DPP10: variants seen among roughly 807,000 people sequenced by gnomAD.
DPP10 encodes inactive dipeptidyl peptidase 10.
A neutral mutation model predicts 120.9 loss-of-function variants in DPP10; 33 were observed. The ratio of observed to expected loss-of-function variants is 0.27; its 90% confidence interval spans 0.21 to 0.37. The LOEUF is 0.37. DPP10 is among the 10% of genes least tolerant of loss of function. The probability of loss-of-function intolerance (pLI) is 1.00; values close to 1 mark genes in which losing one functional copy is unlikely to be tolerated. For synonymous variants in DPP10, 337 were observed against 326.1 expected (o/e 1.03, Z -0.36); for missense variants, 816 against 942.8 (o/e 0.87, Z 1.76).
chr2:115,758,590 G>T (rs1314492465), intron 11 of DPP10, among the ~76,000 whole-genome samples: 1 of 151,846 alleles, frequency 6.6e-6, no homozygotes, highest in Admixed American at 6.6e-5. Context: ...TGTAGAAACA[G>T]ACAAGCTGTT....
chr2:114,880,676 A>G (rs750123434), intron 1 of DPP10, among the ~76,000 whole-genome samples: 9 of 152,186 alleles, frequency 5.9e-5, no homozygotes, highest in Admixed American at 1.3e-4. Flanking sequence ...TTGTTGCTAA[A>G]TACAAATATA....
chr2:115,084,859 C>T (rs766433055), intron 1 of DPP10, among the ~76,000 whole-genome samples: 1 of 152,152 alleles, frequency 6.6e-6, no homozygotes, highest in Non-Finnish European at 1.5e-5. Flanking sequence ...TACCTAAAAG[C>T]ACCTGTTAGG....
At chr2:115,633,330 G>T (rs112764566) in intron 5 of DPP10, among the ~76,000 whole-genome samples, 22,425 of 151,998 alleles carry the variant, frequency 0.15, 2,658 homozygotes, top group African/African-American at 0.33. Flanking sequence ...CTATCGCAAG[G>T]ACAGAAAACC....
chr2:115,172,997 C>T (rs1171178195), intron 1 of DPP10, among the ~76,000 whole-genome samples: 5 of 152,184 alleles, frequency 3.3e-5, no homozygotes, highest in African/African-American at 4.8e-5. Flanking sequence ...AGCTGCATGG[C>T]ATCCATTTTT....
At chr2:115,721,711 T>G (rs2149612119) in intron 7 of DPP10, among the ~76,000 whole-genome samples, 1 of 152,218 alleles carries the variant, frequency 6.6e-6, no homozygotes, top group East Asian at 1.9e-4. Flanking sequence ...CTCAGTAAAT[T>G]AAAAATAAAA....
chr2:114,764,368 T>C (rs907165794), intron 1 of DPP10, among the ~76,000 whole-genome samples: 2 of 151,566 alleles, frequency 1.3e-5, no homozygotes, highest in African/African-American at 4.8e-5. Flanking sequence ...AAAAAACAGT[T>C]TTGATCTCAA....
chr2:115,540,492 T>C (rs145642528), intron 5 of DPP10, among the ~76,000 whole-genome samples: 250 of 152,002 alleles, frequency 1.6e-3, no homozygotes, highest in African/African-American at 5.6e-3. Context: ...TTTCTGCATC[T>C]TCCTAATTCC....
intron 3 of DPP10, among the ~76,000 whole-genome samples, chr2:115,351,756 A>G (rs573866067): frequency 2.6e-5 from 4 of 152,106 alleles, no homozygotes; most frequent in Admixed American, 1.3e-4. Context: ...AAAGCATACC[A>G]TGAAGCATAT....
chr2:114,455,663 A>C (rs1244005949), intron 1 of DPP10, among the ~76,000 whole-genome samples: 3 of 152,080 alleles, frequency 2.0e-5, no homozygotes, highest in Non-Finnish European at 4.4e-5. Flanking sequence ...TTTTTCCATA[A>C]TAAGAAGAAA....
At chr2:115,406,161 G>T (rs2068494434) in intron 3 of DPP10, among the ~76,000 whole-genome samples, 1 of 152,210 alleles carries the variant, frequency 6.6e-6, no homozygotes, top group Admixed American at 6.5e-5. Flanking sequence ...TTGCTGCTTA[G>T]ATATGTCTAC....
At chr2:115,067,861 CAAAAAAAAAA>C (rs201964006) in intron 1 of DPP10, among the ~76,000 whole-genome samples, 2 of 86,848 alleles carry the variant, frequency 2.3e-5, no homozygotes, top group South Asian at 5.2e-4. Flanking sequence ...GACTCTGTCT[CAAAAAAAAAA>C]AAAAAAAAAG....
At chr2:115,737,891 A>G (rs1485037303) in intron 8 of DPP10, among the ~76,000 whole-genome samples, 1 of 152,162 alleles carries the variant, frequency 6.6e-6, no homozygotes, top group Non-Finnish European at 1.5e-5. Context: ...TAAATTTTAA[A>G]GAAATTTGTC....
chr2:115,492,024 C>A (rs916912602), intron 3 of DPP10, among the ~76,000 whole-genome samples: 1 of 152,082 alleles, frequency 6.6e-6, no homozygotes, highest in African/African-American at 2.4e-5. Flanking sequence ...AGGCAGATAT[C>A]TTCATCAGGA....
chr2:115,600,445 A>G (rs1575297967), intron 5 of DPP10, among the ~76,000 whole-genome samples: 1 of 152,324 alleles, frequency 6.6e-6, no homozygotes, highest in East Asian at 1.9e-4. Context: ...AAGGACAATA[A>G]AAGTTTTTCT....
chr2:115,546,415 A>G (rs6756582), intron 5 of DPP10, among the ~76,000 whole-genome samples: 115,341 of 152,108 alleles, frequency 0.76, 46,121 homozygotes, highest in Non-Finnish European at 0.88. Flanking sequence ...ATCAAAACCT[A>G]TAGCTAATCA....
chr2:115,315,833 C>T (rs2061765868), intron 2 of DPP10, among the ~76,000 whole-genome samples: 1 of 151,954 alleles, frequency 6.6e-6, no homozygotes, highest in Non-Finnish European at 1.5e-5. Flanking sequence ...CTAACAGTTT[C>T]CCCCTGGATA....
chr2:115,593,450 T>C (rs2082796158), intron 5 of DPP10, among the ~76,000 whole-genome samples: 2 of 152,226 alleles, frequency 1.3e-5, no homozygotes, highest in Non-Finnish European at 2.9e-5. Flanking sequence ...AGGTTGTTCA[T>C]ATATAAGTTG....
chr2:115,744,540 T>G (rs1164521860), intron 9 of DPP10, among the ~76,000 whole-genome samples: 1 of 150,312 alleles, frequency 6.7e-6, no homozygotes, highest in East Asian at 1.9e-4. Context: ...CAGGAAGCCC[T>G]TTACTCTATG....
At chr2:115,249,255 G>A (rs2058659425) in intron 1 of DPP10, among the ~76,000 whole-genome samples, 1 of 152,046 alleles carries the variant, frequency 6.6e-6, no homozygotes, top group Admixed American at 6.6e-5. Flanking sequence ...ATTATAAGGG[G>A]TAAATTATTG....
Sources: gnomAD v4.1 joint callset for allele counts (sites outside exome capture counted in the v4.1 genomes callset) on GRCh38, gnomAD v4.1.1 for gene constraint, MANE v1.5 for transcripts, NCBI Gene and HGNC (gene_info 2026-07-23, HGNC 2026-07-21) for gene names.